Variants in SHISAL2B observed in about 807,000 individuals in gnomAD.
The protein encoded by SHISAL2B is shisa like 2B.
Under a neutral mutation model 16.5 loss-of-function variants are expected in SHISAL2B, and 12 were observed. That is an observed-to-expected ratio of 0.73 (90% CI 0.47 to 1.18). The LOEUF is 1.18. Among genes scored for constraint, SHISAL2B ranks in the 50% most tolerant of loss-of-function variants. The pLI, the probability that SHISAL2B is intolerant of heterozygous loss-of-function variation, is 0.00. For missense variants in SHISAL2B, 183 were observed against 193.6 expected, an observed-to-expected ratio of 0.95 and a Z score of 0.33; for synonymous variants, 72 against 75.0, an observed-to-expected ratio of 0.96 and a Z score of 0.21.
At chr5:64,714,353 G>T (rs1336251221) in intron 2 of SHISAL2B, among the ~76,000 whole-genome samples, 1 of 145,026 alleles carries the variant, frequency 6.9e-6, no homozygotes, top group Non-Finnish European at 1.5e-5. Context: ...AGGTTGCTCG[G>T]GGGTCAGGGG....
At chr5:64,708,710 CTTTCTCTACTATA>C (rs1363888869) in intron 2 of SHISAL2B, among the ~76,000 whole-genome samples, 1 of 152,138 alleles carries the variant, frequency 6.6e-6, no homozygotes, top group African/African-American at 2.4e-5. Flanking sequence ...TTCATGCCAT[CTTTCTCTACTATA>C]TTTATTTTAA....
chr5:64,715,207 C>A (rs1742028730), intron 2 of SHISAL2B, among the ~76,000 whole-genome samples: 1 of 151,142 alleles, frequency 6.6e-6, no homozygotes, highest in Non-Finnish European at 1.5e-5. Context: ...TTTTTACTTA[C>A]AAAAAGCAGT....
intron 1 of SHISAL2B, among the ~76,000 whole-genome samples, chr5:64,692,575 A>G (rs1048143330): frequency 3.9e-5 from 6 of 152,168 alleles, no homozygotes; most frequent in African/African-American, 1.2e-4. Context: ...CCTAATTTAA[A>G]ATAGTCCAAC....
In SHISAL2B at chr5:64,714,714, T is replaced by C. The variant is rs979902410; in HGVS notation, c.350-3175T>C. 2.3e-4 allele frequency among the ~76,000 whole-genome samples: 35 copies of C among 152,320 alleles called. 1 individual carries two copies. The highest frequency in any genetic ancestry group is 7.8e-4 in the Admixed American group (12 of 15,304). Reference sequence around the variant, plus strand: ...GAGATTCCGTGGGCGTAGGACCCTCTGAGCCAGGTGTGGGATATAGTCTCG... The same window carrying C: ...GAGATTCCGTGGGCGTAGGACCCTCCGAGCCAGGTGTGGGATATAGTCTCG... On this transcript the variant is annotated intron_variant, in intron 2 of 2. Coordinates refer to ENST00000389074, the MANE Select transcript of SHISAL2B (RefSeq NM_001164442.2).
chr5:64,707,422 G>C lies in SHISAL2B; in HGVS notation c.350-10467G>C, dbSNP rs544419993. On this transcript the variant is annotated intron_variant, in intron 2 of 2. Transcript: ENST00000389074. ...AGGTTAGGAGCCCTCTACGGGGACC[G>C]TGAGGACATGGTATGAGGCCAGTTT... Among the ~76,000 whole-genome samples, 286 of 152,214 alleles carry C rather than the reference G, an allele frequency of 1.9e-3. 1 individual carries two copies. Among genetic ancestry groups the C allele is most frequent in the Middle Eastern group, 0.017 (5 of 294 alleles).
At chr5:64,713,281 T>C (rs10471306) in intron 2 of SHISAL2B, among the ~76,000 whole-genome samples, 41,307 of 138,278 alleles carry the variant, frequency 0.3, 6,328 homozygotes, top group East Asian at 0.48. Flanking sequence ...AAGTATTTTA[T>C]TTCTCCTTCA....
intron 2 of SHISAL2B, among the ~76,000 whole-genome samples, chr5:64,700,494 T>G (rs1389119864): frequency 6.6e-6 from 1 of 152,180 alleles, no homozygotes; most frequent in Non-Finnish European, 1.5e-5. Flanking sequence ...CACTGCAACC[T>G]CTGCCTCCCT....
chr5:64,717,811 ATTATTT>A (rs1198912945), intron 2 of SHISAL2B, 72 bp from the exon 3 acceptor site: 3 of 1,294,704 alleles, frequency 2.3e-6, no homozygotes, highest in Non-Finnish European at 3.1e-6. Flanking sequence ...TGCTACAAAA[ATTATTT>A]TTAAGTGCAA....
chr5:64,695,485 A>ATTTTTTTT, intron 1 of SHISAL2B, 22 bp from the exon 2 acceptor site: 1 of 1,509,314 alleles, frequency 6.6e-7, no homozygotes. Context: ...TGTGACACAT[A>ATTTTTTTT]TTTTTTTTCT....
chr5:64,705,527 C>T (rs978382686), intron 2 of SHISAL2B, among the ~76,000 whole-genome samples: 4 of 152,028 alleles, frequency 2.6e-5, no homozygotes, highest in South Asian at 2.1e-4. Context: ...ATACTTAAAT[C>T]GGTGCTTATA....
chr5:64,717,507 C>A (rs1305279001), intron 2 of SHISAL2B, among the ~76,000 whole-genome samples: 1 of 152,142 alleles, frequency 6.6e-6, no homozygotes. Context: ...GTTATAATGG[C>A]AAAGCCTTAA....
intron 2 of SHISAL2B, among the ~76,000 whole-genome samples, chr5:64,696,211 A>G (rs1256720368): frequency 2.6e-5 from 4 of 152,208 alleles, no homozygotes; most frequent in African/African-American, 9.6e-5. Flanking sequence ...AAGTTCCCCA[A>G]ATTAATACTT....
At chr5:64,695,938 G>C (rs1302653114) in intron 2 of SHISAL2B, among the ~76,000 whole-genome samples, 1 of 152,160 alleles carries the variant, frequency 6.6e-6, no homozygotes, top group Non-Finnish European at 1.5e-5. Context: ...GTTCCTTCCA[G>C]TTATTAAAGT....
chr5:64,717,339 G>A (rs1044717034), intron 2 of SHISAL2B, among the ~76,000 whole-genome samples: 14 of 152,102 alleles, frequency 9.2e-5, no homozygotes, highest in African/African-American at 3.4e-4. Flanking sequence ...ACTGTTCATT[G>A]AATAATCCAT....
intron 2 of SHISAL2B, among the ~76,000 whole-genome samples, chr5:64,696,769 CG>C: frequency 6.6e-6 from 1 of 152,290 alleles, no homozygotes; most frequent in Admixed American, 6.5e-5. Flanking sequence ...TTGTTTAAGA[CG>C]TTTATCAAGA....
chr5:64,702,095 A>G (rs1580521840), intron 2 of SHISAL2B, among the ~76,000 whole-genome samples: 1 of 152,358 alleles, frequency 6.6e-6, no homozygotes, highest in East Asian at 1.9e-4. Flanking sequence ...TATAAAGATA[A>G]AAGATTCAAG....
intron 2 of SHISAL2B, among the ~76,000 whole-genome samples, chr5:64,717,031 C>T (rs1482058647): frequency 2.0e-5 from 3 of 152,090 alleles, no homozygotes; most frequent in Admixed American, 2.0e-4. Flanking sequence ...AAAAGAGAGG[C>T]ATCAAGGACC....
chr5:64,692,306 T>C (rs1441482546), intron 1 of SHISAL2B, among the ~76,000 whole-genome samples: 3 of 152,100 alleles, frequency 2.0e-5, no homozygotes, highest in African/African-American at 7.2e-5. Flanking sequence ...AGTTCCAAAG[T>C]GACAAGCAAT....
chr5:64,691,443 ACT>A (rs1173931739), intron 1 of SHISAL2B: 1 of 139,772 alleles, frequency 7.2e-6, no homozygotes, highest in Non-Finnish European at 1.5e-5. Flanking sequence ...TACGACTTGC[ACT>A]TTTTGGAGGA....
Sources: allele counts gnomAD v4.1 joint callset (sites outside exome capture counted in the v4.1 genomes callset), GRCh38; gene constraint gnomAD v4.1.1; transcripts MANE v1.5; gene names NCBI Gene and HGNC (gene_info 2026-07-23, HGNC 2026-07-21).